Variants in SEZ6L observed in about 807,000 individuals in gnomAD.
SEZ6L encodes seizure related 6 homolog like.
In SEZ6L, 37 loss-of-function variants were observed where a neutral mutation model predicts 106.2. That is an observed-to-expected ratio of 0.35 (90% CI 0.27 to 0.46). The LOEUF (loss-of-function observed/expected upper bound fraction) is 0.46, where lower values mean the gene tolerates loss of function less well. Among genes scored for constraint, SEZ6L ranks in the 20% least tolerant of loss-of-function variants. The pLI, the probability that SEZ6L is intolerant of heterozygous loss-of-function variation, is 1.00. For synonymous variants in SEZ6L, 541 were observed against 570.4 expected (o/e 0.95, Z 0.73); for missense variants, 1,172 against 1,332.8 (o/e 0.88, Z 1.88).
rs777218723 is a variant in SEZ6L, at chr22:26,375,704, G to A, written c.2942+15G>A. ...TACATCACAAGGTAGGGAGCTGATG[G>A]GGGAGATGACTGCCAAGCACCCAGC... On this transcript the variant is annotated intron_variant, in intron 15 of 16. Transcript: ENST00000248933. 5 of 1,596,208 alleles carry A rather than the reference G, an allele frequency of 3.1e-6. No homozygotes were observed. In the East Asian group the frequency reaches 1.1e-4, roughly 36 times the overall value.
At chr22:26,283,630 AT>A (rs2080843332) in intron 1 of SEZ6L, among the ~76,000 whole-genome samples, 1 of 152,234 alleles carries the variant, frequency 6.6e-6, no homozygotes, top group Non-Finnish European at 1.5e-5. Context: ...TTTATATAAT[AT>A]TTTTAAATGT....
intron 1 of SEZ6L, among the ~76,000 whole-genome samples, chr22:26,222,119 G>T (rs1360396265): frequency 6.6e-6 from 1 of 152,094 alleles, no homozygotes; most frequent in African/African-American, 2.4e-5. Flanking sequence ...ACGATTTCTG[G>T]GATCCATTCC....
intron 1 of SEZ6L, among the ~76,000 whole-genome samples, chr22:26,262,220 G>A (rs893886668): frequency 7.0e-6 from 1 of 143,404 alleles, no homozygotes; most frequent in Non-Finnish European, 1.5e-5. Context: ...ATATATATAT[G>A]CACCTTTTAT....
At chr22:26,323,117 G>A (rs1268403327) in intron 9 of SEZ6L, among the ~76,000 whole-genome samples, 1 of 152,216 alleles carries the variant, frequency 6.6e-6, no homozygotes, top group Non-Finnish European at 1.5e-5. Flanking sequence ...CAAGAGCTCA[G>A]CACGGGGGCC....
At chr22:26,346,474 C>G (rs1276015456) in intron 10 of SEZ6L, among the ~76,000 whole-genome samples, 1 of 152,198 alleles carries the variant, frequency 6.6e-6, no homozygotes, top group Non-Finnish European at 1.5e-5. Flanking sequence ...ATTGCTGTGT[C>G]ATAGATTATA....
chr22:26,302,722 T>C (rs2081494352), intron 5 of SEZ6L, among the ~76,000 whole-genome samples: 1 of 152,204 alleles, frequency 6.6e-6, no homozygotes, highest in South Asian at 2.1e-4. Flanking sequence ...AATTTTTATC[T>C]ATGTGTGAAA....
intron 9 of SEZ6L, among the ~76,000 whole-genome samples, 193 bp downstream of exon 9, chr22:26,314,095 C>CAGAGAGAGAG (rs796066126): frequency 2.9e-5 from 4 of 136,224 alleles, no homozygotes; most frequent in African/African-American, 1.0e-4. Context: ...CACACACACA[C>CAGAGAGAGAG]AGAGAGAGAG....
intron 13 of SEZ6L, among the ~76,000 whole-genome samples, chr22:26,372,947 C>A (rs546002401): frequency 4.6e-5 from 7 of 152,100 alleles, no homozygotes; most frequent in South Asian, 4.1e-4. Flanking sequence ...TGCTTTGCCC[C>A]ACATGAAAAT....
intron 10 of SEZ6L, among the ~76,000 whole-genome samples, chr22:26,344,197 T>C (rs1203582278): frequency 6.6e-6 from 1 of 152,200 alleles, no homozygotes; most frequent in Non-Finnish European, 1.5e-5. Flanking sequence ...ATTAGAGCCT[T>C]CCACAGGAAG....
At chr22:26,248,890 TA>T (rs746156563) in intron 1 of SEZ6L, among the ~76,000 whole-genome samples, 5 of 152,206 alleles carry the variant, frequency 3.3e-5, no homozygotes, top group Admixed American at 6.5e-5. Flanking sequence ...ACTGCCTTCC[TA>T]GGGGAACCTG....
Position 26,274,152 on chromosome 22 carries a change from A to C in SEZ6L, c.95-18254A>C, listed in dbSNP as rs557065093. On this transcript the variant is annotated intron_variant, in intron 1 of 16. Coordinates refer to ENST00000248933, the MANE Select transcript of SEZ6L (RefSeq NM_021115.5). The stretch of plus-strand genomic sequence containing the variant: ...TCTATAATCTATATTGCTTTGAGCA[A>C]GTGACTAAAGTGATCTAAGCTTCAG... Among the ~76,000 whole-genome samples, 6 of 152,350 alleles carry C rather than the reference A, an allele frequency of 3.9e-5. No homozygotes were observed. The South Asian group carries it at 1.2e-3, about 32-fold the overall frequency.
At chr22:26,360,270 A>G (rs529416589) in intron 12 of SEZ6L, among the ~76,000 whole-genome samples, 1 of 152,312 alleles carries the variant, frequency 6.6e-6, no homozygotes, top group Non-Finnish European at 1.5e-5. Context: ...TCGGCTGTCA[A>G]TATCCTCCTT....
chr22:26,370,448 C>T (rs1045276375), intron 13 of SEZ6L, among the ~76,000 whole-genome samples: 1 of 152,118 alleles, frequency 6.6e-6, no homozygotes, highest in African/African-American at 2.4e-5. Context: ...TTGGCCTGGA[C>T]AACGTGTTTG....
intron 1 of SEZ6L, among the ~76,000 whole-genome samples, chr22:26,268,766 T>C (rs1027240085): frequency 6.6e-5 from 10 of 152,212 alleles, no homozygotes; most frequent in African/African-American, 2.4e-4. Flanking sequence ...GCCCTAGCTG[T>C]GACAACTAAA....
intron 1 of SEZ6L, among the ~76,000 whole-genome samples, chr22:26,184,516 C>T (rs1020504298): frequency 2.6e-5 from 4 of 152,152 alleles, no homozygotes. Flanking sequence ...CCCCAAGAAG[C>T]AAATATTTAA....
At chr22:26,293,424 G>T (rs929140660) in intron 2 of SEZ6L, among the ~76,000 whole-genome samples, 1 of 152,240 alleles carries the variant, frequency 6.6e-6, no homozygotes, top group Non-Finnish European at 1.5e-5. Flanking sequence ...TCAAACTCCT[G>T]TGCTCAAGTG....
intron 5 of SEZ6L, among the ~76,000 whole-genome samples, chr22:26,303,658 T>A (rs528085546): frequency 6.6e-5 from 10 of 152,350 alleles, no homozygotes; most frequent in Admixed American, 5.2e-4. Context: ...TCGTGGTTAT[T>A]CAGTAAATAT....
At chr22:26,245,954 G>A (rs1346188583) in intron 1 of SEZ6L, among the ~76,000 whole-genome samples, 2 of 152,150 alleles carry the variant, frequency 1.3e-5, no homozygotes, top group Admixed American at 6.5e-5. Flanking sequence ...AATACTCCAC[G>A]TAGTTAGAAC....
At chr22:26,212,297 A>G (rs1408213761) in intron 1 of SEZ6L, among the ~76,000 whole-genome samples, 1 of 151,962 alleles carries the variant, frequency 6.6e-6, no homozygotes, top group African/African-American at 2.4e-5. Flanking sequence ...CAGCCAGGAA[A>G]CTCCATTTTT....
Sources: allele counts gnomAD v4.1 joint callset (sites outside exome capture counted in the v4.1 genomes callset), GRCh38; gene constraint gnomAD v4.1.1; transcripts MANE v1.5; gene names NCBI Gene and HGNC (gene_info 2026-07-23, HGNC 2026-07-21).